The following WDR72 variants were observed in gnomAD, a reference collection of about 807,000 sequenced individuals.
WDR72 encodes the protein WD repeat-containing protein 72.
WDR72 carries 120 observed loss-of-function variants against 124.2 expected under a neutral mutation model. The ratio of observed to expected loss-of-function variants is 0.97; its 90% confidence interval spans 0.83 to 1.12. The LOEUF is 1.12. WDR72 is among the 50% of genes most tolerant of loss of function. The pLI, the probability that WDR72 is intolerant of heterozygous loss-of-function variation, is 0.00. For missense variants in WDR72, 1,387 were observed against 1,278.8 expected, an observed-to-expected ratio of 1.08 and a Z score of -1.29; for synonymous variants, 452 against 441.7, an observed-to-expected ratio of 1.02 and a Z score of -0.29.
rs534714660 is a variant in WDR72 at position 53,703,680 on chromosome 15, T to C, written c.1348+1308A>G. ...CAGGACTACTGACACACTACTGTGC[T>C]AGGGGGTTACTCTTCCCACTAACCA... On this transcript the variant is annotated intron_variant, in intron 11 of 19. Transcript: ENST00000360509. Among the ~76,000 whole-genome samples the C allele has an allele frequency of 6.1e-4, 93 of 152,218 alleles. 3 individuals carry two copies. Among genetic ancestry groups the C allele is most frequent in the South Asian group, 3.7e-3 (18 of 4,822 alleles).
In WDR72 at chr15:53,669,001, GAGA is replaced by G. The variant is rs1295995687; in HGVS notation, c.1766-3236_1766-3234del. Among the ~76,000 whole-genome samples the G allele has an allele frequency of 9.3e-4, 128 of 138,260 alleles. 4 individuals carry two copies. Among genetic ancestry groups the G allele is most frequent in the South Asian group, 1.6e-3 (6 of 3,686 alleles). 90.7% of individuals were successfully genotyped at this position (138,260 alleles called of 152,430 possible). On this transcript the variant is annotated intron_variant, in intron 13 of 19. Transcript: ENST00000360509. ...GGAGAAGGAGAAGGAGGAGGAGAAGGAGAAGGAGAAGGAGAAAAGAAGAAGGGA... is the reference window on the plus strand; with the variant it reads ...GGAGAAGGAGAAGGAGGAGGAGAAGGAGGAGAAGGAGAAAAGAAGAAGGGA...
chr15:53,646,254 T>C (rs570517), intron 14 of WDR72, among the ~76,000 whole-genome samples: 10,315 of 152,154 alleles, frequency 0.068, 1,177 homozygotes, highest in African/African-American at 0.24. Context: ...AAGTCCTAAT[T>C]ATAAAAATAT....
At position 53,733,160 on chromosome 15, in the gene WDR72, T is replaced by C; in HGVS notation, c.-11A>G. The C allele has an allele frequency of 6.2e-7, 1 of 1,613,840 alleles. No individual in the cohort carries two copies. Among genetic ancestry groups the C allele is most frequent in the Non-Finnish European group, 8.5e-7 (1 of 1,179,940 alleles). ...CAGGGAAGTCCTCATTTTGGGCGAATCCTGACATACAAAGAAGGGAAGAAG... is the reference window on the plus strand; with the variant it reads ...CAGGGAAGTCCTCATTTTGGGCGAACCCTGACATACAAAGAAGGGAAGAAG... On this transcript the variant is annotated splice_region_variant and 5_prime_UTR_variant, in exon 2 of 20. Transcript: ENST00000360509.
At chr15:53,743,713 A>C (rs1306524163) in intron 1 of WDR72, among the ~76,000 whole-genome samples, 1 of 152,238 alleles carries the variant, frequency 6.6e-6, no homozygotes, top group African/African-American at 2.4e-5. Context: ...ACAGTGGCTC[A>C]CGCCTGTAAT....
chr15:53,605,594 C>T (rs1031613238), intron 17 of WDR72, among the ~76,000 whole-genome samples: 4 of 152,244 alleles, frequency 2.6e-5, no homozygotes, highest in Admixed American at 6.5e-5. Context: ...GTGGTTCACA[C>T]CTGTAATCCC....
chr15:53,548,438 G>A (rs1893583118), intron 18 of WDR72, among the ~76,000 whole-genome samples: 1 of 152,182 alleles, frequency 6.6e-6, no homozygotes, highest in South Asian at 2.1e-4. Flanking sequence ...TCCGGATCAT[G>A]TACAGAATTT....
chr15:53,655,882 G>A (rs2015404942), intron 14 of WDR72, among the ~76,000 whole-genome samples: 1 of 152,096 alleles, frequency 6.6e-6, no homozygotes. Context: ...TAGTAGAGAC[G>A]GGGTTTCACC....
intron 14 of WDR72, among the ~76,000 whole-genome samples, chr15:53,635,229 A>C (rs1029521947): frequency 2.6e-5 from 4 of 152,252 alleles, no homozygotes; most frequent in Non-Finnish European, 4.4e-5. Context: ...TCCCTGGTGT[A>C]GCTCTGATGC....
intron 13 of WDR72, among the ~76,000 whole-genome samples, chr15:53,677,221 A>G (rs1311333099): frequency 6.6e-6 from 1 of 152,120 alleles, no homozygotes; most frequent in East Asian, 1.9e-4. Flanking sequence ...TGCCCAGCCA[A>G]TTCTTGCTTC....
chr15:53,550,336 CT>C, intron 18 of WDR72, among the ~76,000 whole-genome samples: 1 of 152,194 alleles, frequency 6.6e-6, no homozygotes, highest in Admixed American at 6.5e-5. Flanking sequence ...TCCAATAAAA[CT>C]TTTTTTACCA....
intron 18 of WDR72, among the ~76,000 whole-genome samples, chr15:53,551,044 C>T (rs1053849950): frequency 6.6e-6 from 1 of 152,000 alleles, no homozygotes; most frequent in Non-Finnish European, 1.5e-5. Context: ...AAGGAAATGA[C>T]CTTTAAACTA....
chr15:53,541,147 C>G (rs1186350988), intron 18 of WDR72: 1 of 153,124 alleles, frequency 6.5e-6, no homozygotes, highest in African/African-American at 2.4e-5. Context: ...CACCACAGCT[C>G]AAGGTGGCCT....
intron 18 of WDR72, among the ~76,000 whole-genome samples, chr15:53,526,174 C>T (rs1259773494): frequency 6.6e-6 from 1 of 151,964 alleles, no homozygotes; most frequent in Non-Finnish European, 1.5e-5. Context: ...TTTTAATGTG[C>T]CCTCATACAA....
At chr15:53,726,103 A>G (rs759364228) in intron 2 of WDR72, among the ~76,000 whole-genome samples, 3 of 151,044 alleles carry the variant, frequency 2.0e-5, no homozygotes, top group Non-Finnish European at 4.4e-5. Context: ...GTCATTATAC[A>G]TTTGTCAAAT....
intron 14 of WDR72, among the ~76,000 whole-genome samples, chr15:53,655,304 A>G (rs2015383791): frequency 6.6e-6 from 1 of 150,672 alleles, no homozygotes; most frequent in Non-Finnish European, 1.5e-5. Flanking sequence ...ACCTGACTTT[A>G]TAATTGATCT....
chr15:53,536,960 T>C (rs142404827), intron 18 of WDR72, among the ~76,000 whole-genome samples: 1 of 152,256 alleles, frequency 6.6e-6, no homozygotes, highest in African/African-American at 2.4e-5. Flanking sequence ...GTTTAAGCAG[T>C]CCCCAATCCA....
chr15:53,664,504 A>G (rs1439032549), intron 14 of WDR72, among the ~76,000 whole-genome samples: 4 of 151,634 alleles, frequency 2.6e-5, no homozygotes, highest in Non-Finnish European at 5.9e-5. Context: ...TTTCTTGATG[A>G]TGACACATTA....
At chr15:53,587,850 C>G (rs1171181155) in intron 18 of WDR72, among the ~76,000 whole-genome samples, 1 of 151,980 alleles carries the variant, frequency 6.6e-6, no homozygotes, top group South Asian at 2.1e-4. Context: ...AGGGCCCATG[C>G]TCATCTGTAG....
At chr15:53,536,940 G>C (rs1892794176) in intron 18 of WDR72, among the ~76,000 whole-genome samples, 1 of 152,134 alleles carries the variant, frequency 6.6e-6, no homozygotes, top group African/African-American at 2.4e-5. Flanking sequence ...ATAAGCTCCA[G>C]CTCAAAGATG....
Sources: gnomAD v4.1 joint callset for allele counts (sites outside exome capture counted in the v4.1 genomes callset) on GRCh38, gnomAD v4.1.1 for gene constraint, MANE v1.5 for transcripts, NCBI Gene and HGNC (gene_info 2026-07-23, HGNC 2026-07-21) for gene names.